The following PLEKHA5 variants were observed in gnomAD, a reference collection of about 807,000 sequenced individuals.
The protein encoded by PLEKHA5 is pleckstrin homology domain-containing family A member 5.
PLEKHA5 carries 55 observed loss-of-function variants against 181.9 expected under a neutral mutation model. That is an observed-to-expected ratio of 0.30 (90% CI 0.24 to 0.38). The LOEUF is 0.38. Ranked by LOEUF, PLEKHA5 falls within the 10% of genes least tolerant of loss-of-function variation. PLEKHA5 has a pLI of 1.00. For synonymous variants in PLEKHA5, 535 were observed against 529.4 expected (o/e 1.01, Z -0.15); for missense variants, 1,432 against 1,549.5 (o/e 0.92, Z 1.27).
At position 19,283,663 on chromosome 12, in the gene PLEKHA5, G is replaced by A. The variant is rs752042146; in HGVS notation, c.1697G>A (p.Arg566Gln). The A allele has an allele frequency of 6.8e-5, 109 of 1,613,936 alleles. No homozygotes were observed. The highest frequency in any genetic ancestry group is 8.0e-5 in the Non-Finnish European group (94 of 1,179,996). The change falls in exon 12 of 32, where the codon CGA becomes CAA. Residue 566 changes from arginine to glutamine, a missense_variant. Physicochemically the swap from Arg to Gln is conservative, Grantham distance 43 (BLOSUM62 1). Transcript: ENST00000429027. The stretch of plus-strand genomic sequence containing the variant: ...GCTTATCAGGGATACTCCCCTCAAC[G>A]AACTTACAGATCGGAAGTGTCTTCA... Reference protein sequence around the residue: ...IAAYQGYSPQRTYRSEVSSPI... With the variant: ...IAAYQGYSPQQTYRSEVSSPI...
At chr12:19,271,880 ATG>A (rs2072942087) in intron 10 of PLEKHA5, among the ~76,000 whole-genome samples, 1 of 152,154 alleles carries the variant, frequency 6.6e-6, no homozygotes, top group Non-Finnish European at 1.5e-5. Flanking sequence ...TGTAGAAATT[ATG>A]TGTTTTCTTC....
chr12:19,130,507 C>T lies in PLEKHA5; in HGVS notation c.169+377C>T, dbSNP rs2033313539. Reference sequence around the variant, plus strand: ...CTCACTCCCCGGTGACCCCCAGCTGCCGTCTTGCCCCCCAGCAATCTTCAG... The same window carrying T: ...CTCACTCCCCGGTGACCCCCAGCTGTCGTCTTGCCCCCCAGCAATCTTCAG... On this transcript the variant is annotated intron_variant, in intron 2 of 31. Transcript: ENST00000429027. This position sits in a 1 kb window ranked among gnomAD's most constrained non-coding sequence, Gnocchi z 4.5. Among the ~76,000 whole-genome samples, 2 of 151,786 alleles carry T rather than the reference C, an allele frequency of 1.3e-5. No homozygotes were observed. The highest frequency in any genetic ancestry group is 6.6e-5 in the Admixed American group (1 of 15,244).
intron 3 of PLEKHA5, among the ~76,000 whole-genome samples, chr12:19,246,136 AC>A (rs2063688716): frequency 6.7e-6 from 1 of 149,822 alleles, no homozygotes; most frequent in African/African-American, 2.5e-5. Context: ...CCGCCACCAC[AC>A]CCGGTTAACT....
intron 25 of PLEKHA5, among the ~76,000 whole-genome samples, chr12:19,350,626 A>G (rs1321411782): frequency 6.6e-6 from 1 of 152,108 alleles, no homozygotes; most frequent in Non-Finnish European, 1.5e-5. Context: ...AAAATTAGCC[A>G]GGTGTGGTGG....
At chr12:19,332,036 A>G (rs990725185) in intron 20 of PLEKHA5, among the ~76,000 whole-genome samples, 42 of 152,066 alleles carry the variant, frequency 2.8e-4, no homozygotes, top group African/African-American at 9.4e-4. Flanking sequence ...AGAGGCTCAC[A>G]CCTGTAATCC....
At chr12:19,173,460 CA>C (rs5796791) in intron 3 of PLEKHA5, among the ~76,000 whole-genome samples, 130,033 of 151,046 alleles carry the variant, frequency 0.86, 56,548 homozygotes, top group Non-Finnish European at 0.93. Context: ...AAGGATTCTC[CA>C]AAAAAAAAAA....
intron 3 of PLEKHA5, among the ~76,000 whole-genome samples, chr12:19,236,205 C>T (rs552718715): frequency 6.6e-6 from 1 of 152,338 alleles, no homozygotes; most frequent in East Asian, 1.9e-4. Context: ...ATGTTAACAA[C>T]TCTTACCTTT....
chr12:19,253,815 C>A, intron 3 of PLEKHA5, 125 bp from the exon 4 acceptor site: 1 of 689,590 alleles, frequency 1.5e-6, no homozygotes, highest in South Asian at 1.7e-5. Flanking sequence ...AATAAAACTC[C>A]GTCTCAAAAA....
At chr12:19,218,926 ATTTTCT>A (rs2058476954) in intron 3 of PLEKHA5, among the ~76,000 whole-genome samples, 1 of 124,716 alleles carries the variant, frequency 8.0e-6, no homozygotes, top group Non-Finnish European at 1.8e-5. Flanking sequence ...TTACTTTTTA[ATTTTCT>A]TTTTTTTTTT....
intron 3 of PLEKHA5, among the ~76,000 whole-genome samples, chr12:19,175,163 G>A (rs1026593349): frequency 2.0e-5 from 3 of 152,196 alleles, no homozygotes; most frequent in African/African-American, 7.2e-5. Flanking sequence ...TGAAGGCAGA[G>A]GGAAATAGTT....
intron 12 of PLEKHA5, among the ~76,000 whole-genome samples, chr12:19,286,916 A>C (rs1024691215): frequency 1.3e-5 from 2 of 149,950 alleles, no homozygotes; most frequent in African/African-American, 4.9e-5. Flanking sequence ...CAGTGAGCTG[A>C]GATCTTGCCA....
At chr12:19,215,691 G>A (rs2057834831) in intron 3 of PLEKHA5, among the ~76,000 whole-genome samples, 2 of 152,104 alleles carry the variant, frequency 1.3e-5, no homozygotes, top group Admixed American at 1.3e-4. Flanking sequence ...AAGTAATTCA[G>A]CAAGTTTAAA....
At chr12:19,196,129 C>T (rs1000911864) in intron 3 of PLEKHA5, among the ~76,000 whole-genome samples, 5 of 152,216 alleles carry the variant, frequency 3.3e-5, no homozygotes, top group African/African-American at 1.2e-4. Flanking sequence ...TTTATTTCTA[C>T]AATGTGAGCT....
At chr12:19,340,542 C>T in intron 21 of PLEKHA5, among the ~76,000 whole-genome samples, 1 of 148,524 alleles carries the variant, frequency 6.7e-6, no homozygotes, top group Non-Finnish European at 1.5e-5. Context: ...ATTGAGAAAT[C>T]GGATGGTTGC....
intron 3 of PLEKHA5, among the ~76,000 whole-genome samples, chr12:19,195,837 A>G (rs968101962): frequency 3.3e-5 from 5 of 152,130 alleles, no homozygotes; most frequent in African/African-American, 1.2e-4. Flanking sequence ...ATGGCAGTGC[A>G]CACACTTCTA....
intron 3 of PLEKHA5, among the ~76,000 whole-genome samples, chr12:19,237,887 C>G (rs182247066): frequency 5.9e-5 from 9 of 151,932 alleles, no homozygotes; most frequent in Admixed American, 5.9e-4. Flanking sequence ...TGTTTTTAGA[C>G]ATAGCTATTT....
intron 8 of PLEKHA5, among the ~76,000 whole-genome samples, chr12:19,268,111 TAAATTA>T (rs1315222714): frequency 6.6e-6 from 1 of 152,188 alleles, no homozygotes; most frequent in Non-Finnish European, 1.5e-5. Flanking sequence ...TCTTCATAGT[TAAATTA>T]ACTTTATCAA....
intron 3 of PLEKHA5, among the ~76,000 whole-genome samples, chr12:19,186,813 T>G (rs1158393120): frequency 2.0e-5 from 3 of 152,248 alleles, no homozygotes; most frequent in Non-Finnish European, 4.4e-5. Flanking sequence ...GCTTCCTATT[T>G]ATTAAGAAAC....
intron 3 of PLEKHA5, among the ~76,000 whole-genome samples, chr12:19,154,860 CAAGCTTTGCCCTG>C (rs1361351726): frequency 6.6e-6 from 1 of 152,176 alleles, no homozygotes; most frequent in Non-Finnish European, 1.5e-5. Context: ...AGAGAAATGA[CAAGCTTTGCCCTG>C]AAGGATTTCA....
Sources: allele counts gnomAD v4.1 joint callset (sites outside exome capture counted in the v4.1 genomes callset), GRCh38; gene constraint gnomAD v4.1.1; non-coding constraint Gnocchi (gnomAD v3.1); transcripts MANE v1.5; gene names NCBI Gene and HGNC (gene_info 2026-07-23, HGNC 2026-07-21).